STK32B: variants seen among roughly 807,000 people sequenced by gnomAD.
The protein encoded by STK32B is serine/threonine-protein kinase 32B.
Under a neutral mutation model 52.6 loss-of-function variants are expected in STK32B, and 43 were observed. The ratio of observed to expected loss-of-function variants is 0.82; its 90% CI spans 0.64 to 1.05. The LOEUF is 1.05. Among genes scored for constraint, STK32B ranks in the 50% least tolerant of loss-of-function variants. The pLI is 0.00. For missense variants in STK32B, 621 were observed against 534.6 expected (o/e 1.16, Z -1.59); for synonymous variants, 238 against 204.3 (o/e 1.17, Z -1.41).
At chr4:5,233,896 G>A (rs1325206248) in intron 3 of STK32B, among the ~76,000 whole-genome samples, 2 of 152,000 alleles carry the variant, frequency 1.3e-5, no homozygotes, top group East Asian at 1.9e-4. Flanking sequence ...TCAGGAAGGC[G>A]GAGGAGCAAT....
At chr4:5,224,904 T>C (rs1723768660) in intron 3 of STK32B, among the ~76,000 whole-genome samples, 1 of 152,100 alleles carries the variant, frequency 6.6e-6, no homozygotes, top group Non-Finnish European at 1.5e-5. Flanking sequence ...ACTTGGCAAA[T>C]AGTAAAAATT....
At chr4:5,024,395 A>G in the STK32B span, among the ~76,000 whole-genome samples, 1 of 152,142 alleles carries the variant, frequency 6.6e-6, no homozygotes, top group South Asian at 2.1e-4. Context: ...CTGAAAGCCT[A>G]CCCTACTACA....
intron 3 of STK32B, among the ~76,000 whole-genome samples, chr4:5,284,081 C>T (rs184563013): frequency 6.6e-6 from 1 of 151,918 alleles, no homozygotes; most frequent in Non-Finnish European, 1.5e-5. Context: ...ATTTTGAAAT[C>T]AAAATTGTAA....
chr4:5,225,689 C>G (rs1261766134), intron 3 of STK32B, among the ~76,000 whole-genome samples: 1 of 152,108 alleles, frequency 6.6e-6, no homozygotes. Context: ...GTGCAAAATT[C>G]TATGGCCATT....
At chr4:5,310,655 G>C (rs138451874) in intron 3 of STK32B, among the ~76,000 whole-genome samples, 209 of 152,146 alleles carry the variant, frequency 1.4e-3, no homozygotes, top group African/African-American at 4.7e-3. Flanking sequence ...GAAAAAAAAT[G>C]AACTATCATA....
At chr4:5,435,878 C>T (rs560107185) in intron 6 of STK32B, 3 of 152,364 alleles carry the variant, frequency 2.0e-5, no homozygotes, top group African/African-American at 7.2e-5. Context: ...GTGATAATAG[C>T]AGAGGCCTAT....
At chr4:5,153,381 A>T (rs921802492) in intron 2 of STK32B, among the ~76,000 whole-genome samples, 1 of 151,998 alleles carries the variant, frequency 6.6e-6, no homozygotes, top group Admixed American at 6.6e-5. Context: ...TGGATAATGG[A>T]CTTTAGGTTC....
In STK32B at chr4:5,216,547, G is replaced by C. The variant is rs76943740; in HGVS notation, c.260+48097G>C. Among the ~76,000 whole-genome samples the C allele has an allele frequency of 9.9e-4, 151 of 152,310 alleles. 3 individuals carry two copies. In the East Asian group the frequency reaches 0.025, roughly 25 times the overall value. Reference sequence around the variant, plus strand: ...GAAACCTGAAAAATAGATAGGAGGAGTTTGTACGACTGAAAAGAGGAGGGT... The same window carrying C: ...GAAACCTGAAAAATAGATAGGAGGACTTTGTACGACTGAAAAGAGGAGGGT... On this transcript the variant is annotated intron_variant, in intron 3 of 11. Coordinates refer to ENST00000282908, the MANE Select transcript of STK32B (RefSeq NM_018401.3).
At chr4:5,118,616 G>A (rs925999424) in intron 1 of STK32B, among the ~76,000 whole-genome samples, 4 of 152,154 alleles carry the variant, frequency 2.6e-5, no homozygotes, top group Non-Finnish European at 4.4e-5. Flanking sequence ...TGCATGACTC[G>A]CTGGCTGAAT....
rs570089177 is a variant in STK32B at position 5,470,060 on chromosome 4, A to G, written c.1106+1990A>G. On this transcript the variant is annotated intron_variant, in intron 11 of 11. Coordinates refer to ENST00000282908, the MANE Select transcript of STK32B (RefSeq NM_018401.3). The surrounding 1 kb of genome is among the most constrained non-coding windows in gnomAD (Gnocchi z 4.6). ...CTGTGTGGGACCCAAGCAGACAGCA[A>G]TCTCATTTCACCTTTTGCTGTGTGC... Among the ~76,000 whole-genome samples the G allele has an allele frequency of 6.6e-5, 10 of 152,290 alleles. No homozygotes were observed. The highest frequency in any genetic ancestry group is 2.4e-4 in the African/African-American group (10 of 41,564).
rs1736834790 is a variant in STK32B at position 5,395,612 on chromosome 4, T to G, written c.435-2595T>G. Among the ~76,000 whole-genome samples, 1 of 152,220 alleles carries G rather than the reference T, an allele frequency of 6.6e-6. No homozygotes were observed. The highest frequency in any genetic ancestry group is 1.5e-5 in the Non-Finnish European group (1 of 68,050). On this transcript the variant is annotated intron_variant, in intron 4 of 11. Coordinates refer to ENST00000282908, the MANE Select transcript of STK32B (RefSeq NM_018401.3). The surrounding 1 kb of genome is among the most constrained non-coding windows in gnomAD (Gnocchi z 4.4). ...TTCCTAGAATGCAAGCTCCATTCAG[T>G]TGGGTCTGTCTTGTTCACGACGTGT...
intron 6 of STK32B, among the ~76,000 whole-genome samples, chr4:5,438,572 C>A (rs373007130): frequency 6.6e-6 from 1 of 152,074 alleles, no homozygotes; most frequent in Admixed American, 6.5e-5. Context: ...GCAGAGGAAG[C>A]GGAGGTTGGA....
chr4:5,138,815 G>C lies in STK32B; in HGVS notation c.53-1090G>C, dbSNP rs114463966. Among the ~76,000 whole-genome samples the C allele has an allele frequency of 4.3e-3, 656 of 152,344 alleles. 4 individuals are homozygous for C. The highest frequency in any genetic ancestry group is 0.015 in the African/African-American group (630 of 41,578). On this transcript the variant is annotated intron_variant, in intron 1 of 11. Transcript: ENST00000282908. ...AGGATGTAGAGAGAACAAGGGTAGG[G>C]CAAGGAGGAGAGCACTCAAGGCCTG...
chr4:5,244,062 C>T (rs1317345898), intron 3 of STK32B, among the ~76,000 whole-genome samples: 1 of 151,608 alleles, frequency 6.6e-6, no homozygotes, highest in Non-Finnish European at 1.5e-5. Context: ...TGTCTCTGCT[C>T]AGCTTTGGTA....
intron 4 of STK32B, among the ~76,000 whole-genome samples, chr4:5,358,446 C>G (rs1440998314): frequency 1.3e-5 from 2 of 152,138 alleles, no homozygotes; most frequent in Non-Finnish European, 2.9e-5. Flanking sequence ...AAGCTTTATT[C>G]CCGTGTTCTC....
Position 5,469,819 on chromosome 4 carries a change from TGTC to T in STK32B, c.1106+1752_1106+1754del, listed in dbSNP as rs1482363300. Among the ~76,000 whole-genome samples the T allele has an allele frequency of 6.6e-6, 1 of 152,150 alleles. No homozygotes were observed. The highest frequency in any genetic ancestry group is 2.4e-5 in the African/African-American group (1 of 41,450). On this transcript the variant is annotated intron_variant, in intron 11 of 11. Coordinates refer to ENST00000282908, the MANE Select transcript of STK32B (RefSeq NM_018401.3). The surrounding 1 kb of genome is among the most constrained non-coding windows in gnomAD (Gnocchi z 4.7). ...CAGACTTGGGGAAGACGGGGGCTGA[TGTC>T]GTGAGTGGTTTCGGAGCTTATCCCA...
chr4:5,107,688 C>A (rs1714181621), intron 1 of STK32B, among the ~76,000 whole-genome samples: 1 of 152,094 alleles, frequency 6.6e-6, no homozygotes, highest in African/African-American at 2.4e-5. Flanking sequence ...ATTTGATTAC[C>A]CTGAAATAAA....
intron 2 of STK32B, among the ~76,000 whole-genome samples, chr4:5,144,776 TCATTCACTCATCCATCCATC>T (rs1716772634): frequency 8.9e-6 from 1 of 112,854 alleles, no homozygotes; most frequent in South Asian, 3.5e-4. Context: ...GTTAATTCAC[TCATTCACTCATCCATCCATC>T]CATCCATCCA....
Position 5,126,408 on chromosome 4 carries a change from C to T in STK32B, c.53-13497C>T, listed in dbSNP as rs116044405. Among the ~76,000 whole-genome samples, 1,243 of 152,282 alleles carry T rather than the reference C, an allele frequency of 8.2e-3. 17 individuals carry two copies. Among genetic ancestry groups the T allele is most frequent in the African/African-American group, 0.028 (1,182 of 41,568 alleles). On this transcript the variant is annotated intron_variant, in intron 1 of 11. Transcript: ENST00000282908. ...TGCCCTGCAGGCCAGCCCTGCTGAG[C>T]GTGGCTGGGCTCGCTCACTTATCTG...
Sources: gnomAD v4.1 joint callset for allele counts (sites outside exome capture counted in the v4.1 genomes callset) on GRCh38, gnomAD v4.1.1 for gene constraint, Gnocchi (gnomAD v3.1) non-coding constraint, MANE v1.5 for transcripts, NCBI Gene and HGNC (gene_info 2026-07-23, HGNC 2026-07-21) for gene names.